Variants in SLC39A11 observed in about 807,000 individuals in gnomAD.
The protein encoded by SLC39A11 is solute carrier family 39 member 11.
Under a neutral mutation model 36.1 loss-of-function variants are expected in SLC39A11, and 33 were observed. The observed-to-expected ratio is 0.91, with a 90% confidence interval of 0.69 to 1.22. The LOEUF (loss-of-function observed/expected upper bound fraction) is 1.22. Ranked by LOEUF, SLC39A11 falls within the 50% of genes most tolerant of loss-of-function variation. The probability of loss-of-function intolerance (pLI) is 0.00; values close to 1 mark genes in which losing one functional copy is unlikely to be tolerated. For synonymous variants in SLC39A11, 166 were observed against 170.3 expected (o/e 0.97, Z 0.20); for missense variants, 432 against 430.3 (o/e 1.00, Z -0.03).
At chr17:72,698,366 T>C (rs751282514) in intron 7 of SLC39A11, among the ~76,000 whole-genome samples, 5 of 152,010 alleles carry the variant, frequency 3.3e-5, no homozygotes, top group Non-Finnish European at 5.9e-5. Context: ...TTTGCTATTG[T>C]TGATAATTGT....
intron 7 of SLC39A11, among the ~76,000 whole-genome samples, chr17:72,713,159 C>T (rs1306035707): frequency 1.3e-5 from 2 of 152,104 alleles, no homozygotes; most frequent in African/African-American, 2.4e-5. Context: ...AGACTTAGCC[C>T]GTGGAGTTCG....
chr17:72,984,444 G>A (rs954512470), intron 4 of SLC39A11, among the ~76,000 whole-genome samples: 13 of 152,090 alleles, frequency 8.5e-5, no homozygotes, highest in African/African-American at 3.1e-4. Context: ...TCCCTTGGGT[G>A]TTGTGGGATA....
intron 6 of SLC39A11, among the ~76,000 whole-genome samples, chr17:72,798,730 C>A (rs1370038013): frequency 6.6e-6 from 1 of 152,048 alleles, no homozygotes; most frequent in African/African-American, 2.4e-5. Flanking sequence ...GGGGGCCCCA[C>A]CCTCCTCACC....
intron 5 of SLC39A11, among the ~76,000 whole-genome samples, chr17:72,883,597 T>C: frequency 6.6e-6 from 1 of 151,848 alleles, no homozygotes; most frequent in East Asian, 1.9e-4. Flanking sequence ...TGATTCAGGG[T>C]CAGGTGACTA....
intron 4 of SLC39A11, among the ~76,000 whole-genome samples, chr17:73,025,159 G>C (rs1336613673): frequency 2.6e-5 from 4 of 152,170 alleles, no homozygotes; most frequent in African/African-American, 9.7e-5. Flanking sequence ...GCTGAGAAGA[G>C]GGTGATCCCT....
chr17:72,777,869 A>ATATGTATG (rs71154917), intron 6 of SLC39A11, among the ~76,000 whole-genome samples: 65,896 of 149,932 alleles, frequency 0.44, 17,996 homozygotes, highest in Non-Finnish European at 0.62. Flanking sequence ...ATGTATGTAT[A>ATATGTATG]TATGTATGTA....
chr17:72,699,236 C>T (rs182602019), intron 7 of SLC39A11, among the ~76,000 whole-genome samples: 78 of 152,284 alleles, frequency 5.1e-4, no homozygotes, highest in African/African-American at 1.7e-3. Flanking sequence ...TTGGGCCACA[C>T]ATAAAATACA....
chr17:72,735,988 C>T (rs1040628489), intron 7 of SLC39A11, among the ~76,000 whole-genome samples: 16 of 152,128 alleles, frequency 1.1e-4, no homozygotes, highest in Non-Finnish European at 2.2e-4. Context: ...TGACAGGGAA[C>T]CCTGGAGGAG....
chr17:72,927,457 C>T (rs1002528254), intron 5 of SLC39A11, among the ~76,000 whole-genome samples: 11 of 152,308 alleles, frequency 7.2e-5, no homozygotes, highest in Admixed American at 3.9e-4. Context: ...CTAAAAAGGA[C>T]CTTGCCAATG....
chr17:73,026,668 A>AT (rs2058568185), intron 4 of SLC39A11, among the ~76,000 whole-genome samples: 1 of 152,116 alleles, frequency 6.6e-6, no homozygotes, highest in Admixed American at 6.6e-5. Context: ...TTCACATAAA[A>AT]TTTTTATAAA....
At chr17:72,776,052 G>A (rs1049772628) in intron 6 of SLC39A11, among the ~76,000 whole-genome samples, 3 of 152,172 alleles carry the variant, frequency 2.0e-5, no homozygotes, top group African/African-American at 4.8e-5. Context: ...AGGAAGAATT[G>A]GGGAATACAG....
chr17:72,877,799 A>AT (rs994196730), intron 5 of SLC39A11, among the ~76,000 whole-genome samples: 17 of 151,224 alleles, frequency 1.1e-4, no homozygotes, highest in African/African-American at 3.6e-4. Context: ...CTTCATTTTT[A>AT]TTTTTTTATT....
intron 4 of SLC39A11, among the ~76,000 whole-genome samples, chr17:73,007,748 A>G (rs1224709489): frequency 6.6e-6 from 1 of 152,164 alleles, no homozygotes; most frequent in East Asian, 1.9e-4. Flanking sequence ...AAGAGGAAAA[A>G]GGCCTGGACT....
At chr17:72,690,520 C>T (rs1348475591) in intron 7 of SLC39A11, among the ~76,000 whole-genome samples, 2 of 152,182 alleles carry the variant, frequency 1.3e-5, no homozygotes, top group Admixed American at 6.5e-5. Flanking sequence ...ATGTGCATGG[C>T]AGCATTATTC....
chr17:72,916,838 T>C (rs949741735), intron 5 of SLC39A11, among the ~76,000 whole-genome samples: 1 of 152,176 alleles, frequency 6.6e-6, no homozygotes, highest in South Asian at 2.1e-4. Context: ...TGACCAAACA[T>C]GCCCAGACAG....
chr17:72,764,211 G>A (rs981500535), intron 6 of SLC39A11, among the ~76,000 whole-genome samples: 5 of 152,026 alleles, frequency 3.3e-5, no homozygotes, highest in Admixed American at 6.6e-5. Flanking sequence ...TCCCTGTGGC[G>A]GAGGGAGGAG....
chr17:73,047,991 A>AAAAT (rs2059370556), intron 3 of SLC39A11, among the ~76,000 whole-genome samples: 1 of 35,966 alleles, frequency 2.8e-5, no homozygotes, highest in Non-Finnish European at 4.6e-5. Flanking sequence ...AAAAAAAAAA[A>AAAAT]TATATATATA....
intron 4 of SLC39A11, among the ~76,000 whole-genome samples, chr17:73,000,211 A>T (rs1009307276): frequency 1.3e-5 from 2 of 151,584 alleles, no homozygotes; most frequent in African/African-American, 4.9e-5. Flanking sequence ...CAGCTGAGGG[A>T]TCCATTTCTC....
chr17:72,819,672 G>T (rs1377757810), intron 6 of SLC39A11, among the ~76,000 whole-genome samples: 2 of 151,036 alleles, frequency 1.3e-5, no homozygotes, highest in Admixed American at 6.6e-5. Flanking sequence ...ACAATCACAT[G>T]AACAATTCAA....
Sources: gnomAD v4.1 joint callset for allele counts (sites outside exome capture counted in the v4.1 genomes callset) on GRCh38, gnomAD v4.1.1 for gene constraint, MANE v1.5 for transcripts, NCBI Gene and HGNC (gene_info 2026-07-23, HGNC 2026-07-21) for gene names.